Variants in ARHGAP24 observed in about 807,000 individuals in gnomAD.
The protein encoded by ARHGAP24 is rho GTPase-activating protein 24.
In ARHGAP24, 50 loss-of-function variants were observed where a neutral mutation model predicts 76.4. The ratio of observed to expected loss-of-function variants is 0.65; its 90% CI spans 0.52 to 0.83. ARHGAP24 has a LOEUF of 0.83. Ranked by LOEUF, ARHGAP24 falls within the 40% of genes least tolerant of loss-of-function variation. ARHGAP24 has a pLI of 0.00. For synonymous variants in ARHGAP24, 345 were observed against 323.3 expected (o/e 1.07, Z -0.72); for missense variants, 930 against 914.2 (o/e 1.02, Z -0.22).
At chr4:85,524,774 G>T (rs1021819363) in intron 1 of ARHGAP24, among the ~76,000 whole-genome samples, 2 of 152,162 alleles carry the variant, frequency 1.3e-5, no homozygotes, top group Non-Finnish European at 2.9e-5. Context: ...GTGCCTCTGT[G>T]CAGTGAGCAA....
chr4:85,750,590 G>T (rs924192143), intron 3 of ARHGAP24, among the ~76,000 whole-genome samples: 1 of 134,578 alleles, frequency 7.4e-6, no homozygotes, highest in South Asian at 2.4e-4. Flanking sequence ...CTGCCTCCCC[G>T]GCTCAAGCAA....
intron 3 of ARHGAP24, among the ~76,000 whole-genome samples, chr4:85,895,612 G>A (rs1208295714): frequency 6.6e-6 from 1 of 152,024 alleles, no homozygotes; most frequent in African/African-American, 2.4e-5. Context: ...AATGTTTTAA[G>A]GCAAAATTCA....
chr4:85,859,815 GA>G (rs892093025), intron 3 of ARHGAP24, among the ~76,000 whole-genome samples: 3 of 152,074 alleles, frequency 2.0e-5, no homozygotes. Context: ...GGAAGAAACA[GA>G]AACAAATGAC....
At chr4:85,635,136 C>T (rs959356282) in intron 2 of ARHGAP24, among the ~76,000 whole-genome samples, 2 of 151,734 alleles carry the variant, frequency 1.3e-5, no homozygotes, top group African/African-American at 4.8e-5. Context: ...TAATTAATGC[C>T]CTCCTAAATC....
At chr4:85,807,651 T>C (rs1728847800) in intron 3 of ARHGAP24, among the ~76,000 whole-genome samples, 1 of 152,186 alleles carries the variant, frequency 6.6e-6, no homozygotes, top group Non-Finnish European at 1.5e-5. Flanking sequence ...CCAAGCCACA[T>C]ACTATCCTGA....
intron 2 of ARHGAP24, among the ~76,000 whole-genome samples, chr4:85,645,580 G>T (rs1462792062): frequency 3.3e-5 from 5 of 152,064 alleles, no homozygotes; most frequent in Non-Finnish European, 7.4e-5. Flanking sequence ...AAAATGAGGT[G>T]CATATGCTGC....
chr4:85,503,261 T>C (rs1354781722), intron 1 of ARHGAP24, among the ~76,000 whole-genome samples: 1 of 152,206 alleles, frequency 6.6e-6, no homozygotes, highest in Non-Finnish European at 1.5e-5. Flanking sequence ...TCCCTCTTTT[T>C]CTATTGATTG....
At chr4:85,958,055 A>G (rs1321457090) in intron 5 of ARHGAP24, among the ~76,000 whole-genome samples, 5 of 152,184 alleles carry the variant, frequency 3.3e-5, no homozygotes, top group African/African-American at 4.8e-5. Context: ...GGGCATATCT[A>G]TCAGTTGGTG....
chr4:85,886,170 G>A (rs1007514958), intron 3 of ARHGAP24, among the ~76,000 whole-genome samples: 3 of 152,178 alleles, frequency 2.0e-5, no homozygotes, highest in South Asian at 2.1e-4. Flanking sequence ...AACAAACCAT[G>A]TGTTTAGCAA....
At chr4:85,784,916 TATC>T (rs1727743863) in intron 3 of ARHGAP24, among the ~76,000 whole-genome samples, 1 of 22,208 alleles carries the variant, frequency 4.5e-5, no homozygotes, top group Non-Finnish European at 1.2e-4. Context: ...TCTATCTATC[TATC>T]TATCTATCTA....
intron 3 of ARHGAP24, among the ~76,000 whole-genome samples, chr4:85,767,138 A>G (rs1726957574): frequency 6.6e-6 from 1 of 152,148 alleles, no homozygotes. Context: ...ACATTCACAC[A>G]ATGTAAAGTG....
chr4:85,586,632 G>T (rs1727871902), intron 2 of ARHGAP24, among the ~76,000 whole-genome samples: 1 of 152,162 alleles, frequency 6.6e-6, no homozygotes, highest in African/African-American at 2.4e-5. Context: ...GGGCGTGGTG[G>T]CTCACACCTG....
chr4:85,583,348 A>G (rs1371567825), intron 2 of ARHGAP24, among the ~76,000 whole-genome samples: 1 of 152,120 alleles, frequency 6.6e-6, no homozygotes, highest in South Asian at 2.1e-4. Flanking sequence ...TCAGTACTCT[A>G]TTTATATTAT....
chr4:85,518,707 C>T (rs1430305158), intron 1 of ARHGAP24, among the ~76,000 whole-genome samples: 2 of 152,090 alleles, frequency 1.3e-5, no homozygotes, highest in Non-Finnish European at 2.9e-5. Context: ...CATTATTTTT[C>T]ATGGCTGTGT....
At chr4:85,494,488 C>A (rs952076999) in intron 1 of ARHGAP24, among the ~76,000 whole-genome samples, 3 of 151,776 alleles carry the variant, frequency 2.0e-5, no homozygotes, top group Non-Finnish European at 2.9e-5. Context: ...AGATCGAGAC[C>A]ATCCTGGCCA....
At chr4:85,683,948 T>C (rs1723326399) in intron 2 of ARHGAP24, among the ~76,000 whole-genome samples, 1 of 152,188 alleles carries the variant, frequency 6.6e-6, no homozygotes, top group African/African-American at 2.4e-5. Flanking sequence ...TAAGGCTGAA[T>C]GATATTCCAT....
chr4:85,522,914 G>C (rs73832784), intron 1 of ARHGAP24, among the ~76,000 whole-genome samples: 3,808 of 151,520 alleles, frequency 0.025, 161 homozygotes, highest in African/African-American at 0.087. Flanking sequence ...CTTTTCTTTT[G>C]CCTTTTCCTC....
intron 1 of ARHGAP24, among the ~76,000 whole-genome samples, chr4:85,491,112 C>T (rs1254220469): frequency 6.6e-6 from 1 of 152,116 alleles, no homozygotes; most frequent in African/African-American, 2.4e-5. Flanking sequence ...GATCAATTAC[C>T]TTATTATCTT....
At position 85,868,616 on chromosome 4, in the gene ARHGAP24, C is replaced by A. The variant is rs183553719; in HGVS notation, c.269-55032C>A. On this transcript the variant is annotated intron_variant, in intron 3 of 9. Transcript: ENST00000395184. Reference sequence around the variant, plus strand: ...TGGTATCTCAGATGGGATCCTGGAACAGAAAAGGATTAGGTGAAAACTAAG... The same window carrying A: ...TGGTATCTCAGATGGGATCCTGGAAAAGAAAAGGATTAGGTGAAAACTAAG... Among the ~76,000 whole-genome samples, 574 of 152,112 alleles carry A rather than the reference C, an allele frequency of 3.8e-3. 2 individuals are homozygous for A. The highest frequency in any genetic ancestry group is 0.013 in the African/African-American group (537 of 41,518).
Sources: gnomAD v4.1 joint callset for allele counts (sites outside exome capture counted in the v4.1 genomes callset) on GRCh38, gnomAD v4.1.1 for gene constraint, MANE v1.5 for transcripts, NCBI Gene and HGNC (gene_info 2026-07-23, HGNC 2026-07-21) for gene names.